SPTB: variants seen among roughly 807,000 people sequenced by gnomAD.
The protein encoded by SPTB is spectrin beta chain, erythrocytic.
SPTB carries 45 observed loss-of-function variants against 256.2 expected under a neutral mutation model. The observed-to-expected ratio is 0.18, with a 90% confidence interval of 0.14 to 0.23. SPTB has a LOEUF of 0.23. Among genes scored for constraint, SPTB ranks in the 10% least tolerant of loss-of-function variants. The pLI, the probability that SPTB is intolerant of heterozygous loss-of-function variation, is 1.00. For synonymous variants in SPTB, 1,231 were observed against 1,243.1 expected (o/e 0.99, Z 0.21); for missense variants, 2,715 against 3,040.4 (o/e 0.89, Z 2.52).
In SPTB at chr14:64,774,417, C is replaced by G; in HGVS notation, c.4953G>C (p.Leu1651=). ...CGCACCCCTCAGGGTGGCCTGCAGA[C>G]AGCAGGCCCTGGGCCCGGCTGGCCA... The part of the protein sequence containing the change: ...KQLASRAQGL[L]SAGHPEGEQI... The change falls in exon 24 of 36, where the codon CTG becomes CTC. Residue 1651 remains leucine (L), a synonymous_variant. Transcript: ENST00000644917. 4 of 1,584,266 alleles carry G rather than the reference C, an allele frequency of 2.5e-6. No homozygotes were observed. The South Asian group carries it at 4.6e-5, about 18-fold the overall frequency.
In SPTB at chr14:64,785,621, C is replaced by T; in HGVS notation, c.3771G>A (p.Arg1257=). 1 of 1,614,096 alleles carries T rather than the reference C, an allele frequency of 6.2e-7. No homozygotes were observed. The highest frequency in any genetic ancestry group is 1.7e-5 in the Admixed American group (1 of 60,018). The change falls in exon 18 of 36, where the codon AGG becomes AGA. Residue 1257 remains arginine (R), a synonymous_variant. Coordinates refer to ENST00000644917, the MANE Select transcript of SPTB (RefSeq NM_001355436.2). The surrounding 1 kb of genome is among the most constrained non-coding windows in gnomAD (Gnocchi z 4.4). ...EKVQLIEDRH[R]KNNEKAQEAS... ...CCTCCTGGGCCTTCTCGTTGTTCTT[C>T]CTGTGCCTGGAAAGGAAGCCAAAAG... is the stretch of plus-strand genomic sequence containing the variant.
chr14:64,864,089 T>C (rs1882012918), intron 1 of SPTB, among the ~76,000 whole-genome samples: 1 of 152,178 alleles, frequency 6.6e-6, no homozygotes, highest in African/African-American at 2.4e-5. Context: ...TCAAATTCCA[T>C]GGTGCTGCTT....
chr14:64,762,018 TA>T (rs1160302734), intron 32 of SPTB, among the ~76,000 whole-genome samples: 2 of 152,082 alleles, frequency 1.3e-5, no homozygotes, highest in African/African-American at 4.8e-5. Flanking sequence ...CCAGGAATAT[TA>T]AATCTGACCA....
chr14:64,844,189 T>C lies in SPTB; in HGVS notation c.-51-21044A>G, dbSNP rs1262976824. 6.6e-6 allele frequency among the ~76,000 whole-genome samples: 1 copy of C among 151,658 alleles called. No homozygotes were observed. The highest frequency in any genetic ancestry group is 1.5e-5 in the Non-Finnish European group (1 of 67,924). ...CTCCAAGAGTGCTTAGCAGGAGTCA[T>C]GGAGAAAAAAAAAATGAGAGCTAGA... On this transcript the variant is annotated intron_variant, in intron 1 of 35. Coordinates refer to ENST00000644917, the MANE Select transcript of SPTB (RefSeq NM_001355436.2). This position sits in a 1 kb window ranked among gnomAD's most constrained non-coding sequence, Gnocchi z 4.1.
At chr14:64,774,020 G>A (rs1379398386) in intron 24 of SPTB, among the ~76,000 whole-genome samples, 1 of 152,142 alleles carries the variant, frequency 6.6e-6, no homozygotes, top group Non-Finnish European at 1.5e-5. Context: ...CCTACATCAT[G>A]GTTCTGTCTG....
chr14:64,877,019 A>G (rs891345478), intron 1 of SPTB, among the ~76,000 whole-genome samples: 4 of 152,154 alleles, frequency 2.6e-5, no homozygotes, highest in Non-Finnish European at 1.5e-5. Context: ...AGTGACCTCC[A>G]GAATCCCTTC....
Position 64,749,957 on chromosome 14 carries a change from T to C in SPTB, c.6776+24A>G, listed in dbSNP as rs1454843754. ...GCCAAATCAAGCCATCAACCCGAGC[T>C]TTCAAAGGCCAGGAAGGCCTCACCT... On this transcript the variant is annotated intron_variant, in intron 34 of 35. Coordinates refer to ENST00000644917, the MANE Select transcript of SPTB (RefSeq NM_001355436.2). This position sits in a 1 kb window ranked among gnomAD's most constrained non-coding sequence, Gnocchi z 4.7. 1 of 1,614,178 alleles carries C rather than the reference T, an allele frequency of 6.2e-7. No homozygotes were observed. Among genetic ancestry groups the C allele is most frequent in the Admixed American group, 1.7e-5 (1 of 60,020 alleles).
chr14:64,782,817 T>TA (rs58435859), intron 19 of SPTB, among the ~76,000 whole-genome samples: 3,544 of 123,054 alleles, frequency 0.029, 83 homozygotes, highest in South Asian at 0.067. Context: ...GTTGATGAGT[T>TA]AAAAAAAAAA....
intron 1 of SPTB, among the ~76,000 whole-genome samples, chr14:64,842,506 A>G (rs951162048): frequency 1.3e-5 from 2 of 152,214 alleles, no homozygotes; most frequent in African/African-American, 4.8e-5. Flanking sequence ...ATTTACTTAT[A>G]GTCCGTAAGC....
chr14:64,872,062 A>G (rs905953038), intron 1 of SPTB, among the ~76,000 whole-genome samples: 1 of 152,228 alleles, frequency 6.6e-6, no homozygotes, highest in Non-Finnish European at 1.5e-5. Context: ...GAATCATCCC[A>G]AAATAAAAAC....
Position 64,805,641 on chromosome 14 carries a change from C to A in SPTB, c.149-551G>T, listed in dbSNP as rs185973769. The stretch of plus-strand genomic sequence containing the variant: ...AGCCCAGGGAAATCTGTCTTGGTCA[C>A]TTCTCTGTCTCCAGGGCCTGGAGCC... On this transcript the variant is annotated intron_variant, in intron 2 of 35. Transcript: ENST00000644917. 3.5e-3 allele frequency among the ~76,000 whole-genome samples: 527 copies of A among 152,332 alleles called. 2 individuals carry two copies. Among genetic ancestry groups the A allele is most frequent in the Non-Finnish European group, 5.1e-3 (348 of 68,032 alleles).
At chr14:64,810,998 C>T (rs1347372625) in intron 2 of SPTB, among the ~76,000 whole-genome samples, 3 of 151,978 alleles carry the variant, frequency 2.0e-5, no homozygotes, top group African/African-American at 7.3e-5. Flanking sequence ...CACCTGTAAT[C>T]CTAGCTATTC....
At chr14:64,769,858 C>T in intron 27 of SPTB, 130 bp from the exon 28 acceptor site, 2 of 1,291,682 alleles carry the variant, frequency 1.5e-6, no homozygotes, top group Non-Finnish European at 2.2e-6. Context: ...TCTCTCTGGC[C>T]AGCCAGGGGG....
intron 2 of SPTB, among the ~76,000 whole-genome samples, chr14:64,818,470 G>A (rs2083231148): frequency 6.6e-6 from 1 of 152,130 alleles, no homozygotes; most frequent in African/African-American, 2.4e-5. Context: ...TCTTTTTGGG[G>A]CATCTTTCTG....
intron 2 of SPTB, among the ~76,000 whole-genome samples, chr14:64,812,531 A>G (rs1434808957): frequency 6.6e-6 from 1 of 151,930 alleles, no homozygotes; most frequent in Non-Finnish European, 1.5e-5. Flanking sequence ...AATACTCCCT[A>G]TGGGGGTTTA....
Position 64,748,327 on chromosome 14 carries a change from TGGGGGCCCACACTGTCCCGTA to T in SPTB, c.*958_*978del, listed in dbSNP as rs1255364432. On this transcript the variant is annotated 3_prime_UTR_variant, in exon 36 of 36. Transcript: ENST00000644917. The stretch of plus-strand genomic sequence containing the variant: ...GTGCGGGGGGTATCCATCTTATATC[TGGGGGCCCACACTGTCCCGTA>T]GGGGGCCTATGTCTGTTGGATATTG... 5 of 152,358 alleles carry T rather than the reference TGGGGGCCCACACTGTCCCGTA, an allele frequency of 3.3e-5. No homozygotes were observed. The East Asian group carries it at 9.6e-4, about 29-fold the overall frequency. The allele number at this position is 152,358 out of a possible 1,614,324, so 9.4% of individuals were successfully genotyped here.
At chr14:64,869,035 A>G (rs1594859758) in intron 1 of SPTB, among the ~76,000 whole-genome samples, 1 of 152,296 alleles carries the variant, frequency 6.6e-6, no homozygotes, top group Non-Finnish European at 1.5e-5. Flanking sequence ...AAAAAAAAAA[A>G]AAAGAAACGC....
At chr14:64,815,439 A>G (rs1484023172) in intron 2 of SPTB, among the ~76,000 whole-genome samples, 1 of 152,248 alleles carries the variant, frequency 6.6e-6, no homozygotes, top group Non-Finnish European at 1.5e-5. Flanking sequence ...GACCTTCCTC[A>G]TCTCTAGGGA....
chr14:64,848,181 T>C (rs1187580958), intron 1 of SPTB, among the ~76,000 whole-genome samples: 1 of 152,210 alleles, frequency 6.6e-6, no homozygotes, highest in Non-Finnish European at 1.5e-5. Flanking sequence ...CCATTTTACC[T>C]TCCACAAAGG....
Sources: allele counts gnomAD v4.1 joint callset (sites outside exome capture counted in the v4.1 genomes callset), GRCh38; gene constraint gnomAD v4.1.1; non-coding constraint Gnocchi (gnomAD v3.1); transcripts MANE v1.5; gene names NCBI Gene and HGNC (gene_info 2026-07-23, HGNC 2026-07-21).